Variants in SBSPON observed in about 807,000 individuals in gnomAD.
The protein encoded by SBSPON is somatomedin B and thrombospondin type 1 domain containing, also known as somatomedin-B and thrombospondin type-1 domain-containing protein.
A neutral mutation model predicts 35.8 loss-of-function variants in SBSPON; 30 were observed. That is an observed-to-expected ratio of 0.84 (90% CI 0.63 to 1.14). The LOEUF (loss-of-function observed/expected upper bound fraction) is 1.14. Ranked by LOEUF, SBSPON falls within the 50% of genes most tolerant of loss-of-function variation. The pLI is 0.00. For missense variants in SBSPON, 364 were observed against 357.7 expected (o/e 1.02, Z -0.14); for synonymous variants, 136 against 135.9 (o/e 1.00, Z 0.00).
Position 73,069,980 on chromosome 8 carries a change from A to G in SBSPON, c.502T>C (p.Tyr168His). 1.3e-6 allele frequency: 2 copies of G among 1,553,528 alleles called. No individual in the cohort carries two copies. The highest frequency in any genetic ancestry group is 1.7e-6 in the Non-Finnish European group (2 of 1,147,474). The change falls in exon 4 of 5, where the codon TAC (tyrosine) becomes CAC (histidine). Residue 168 changes from tyrosine to histidine, a missense_variant and splice_region_variant. By Grantham distance (83) the Tyr-to-His change is moderately conservative. Coordinates refer to ENST00000297354, the MANE Select transcript of SBSPON (RefSeq NM_153225.4). ...HWSTHTEDAGYCMEFKTESLT... is the reference protein window; with the variant it reads ...HWSTHTEDAGHCMEFKTESLT... ...GACTCTGTCTTAAACTCCATACAGT[A>G]TCTACAGCAAAAGAAGTAACAATGA...
intron 4 of SBSPON, 49 bp downstream of exon 4, chr8:73,069,756 T>A (rs773611657): frequency 6.7e-7 from 1 of 1,485,180 alleles, no homozygotes; most frequent in Non-Finnish European, 9.4e-7. Flanking sequence ...AGGACAGATT[T>A]CTCAGAATGA....
At chr8:73,070,917 T>TTAG (rs1237574303) in intron 3 of SBSPON, among the ~76,000 whole-genome samples, 1 of 152,230 alleles carries the variant, frequency 6.6e-6, no homozygotes, top group East Asian at 1.9e-4. Context: ...GTACAGCTAA[T>TTAG]TAGTAACTAA....
intron 1 of SBSPON, among the ~76,000 whole-genome samples, chr8:73,091,643 T>C (rs1421422169): frequency 6.6e-6 from 1 of 152,216 alleles, no homozygotes; most frequent in Non-Finnish European, 1.5e-5. Context: ...CTCTTCCATC[T>C]TACTTTAGTA....
chr8:73,079,077 C>CA (rs1019572859), intron 2 of SBSPON, among the ~76,000 whole-genome samples: 2 of 152,258 alleles, frequency 1.3e-5, no homozygotes, highest in African/African-American at 4.8e-5. Context: ...GCACAAAACT[C>CA]AAATTTTTTA....
chr8:73,081,235 C>A (rs750546130), intron 1 of SBSPON, 22 bp from the exon 2 acceptor site: 15 of 1,537,394 alleles, frequency 9.8e-6, no homozygotes, highest in Admixed American at 9.6e-5. Context: ...CACAATAGGA[C>A]GCTCACCTGA....
intron 1 of SBSPON, among the ~76,000 whole-genome samples, chr8:73,084,246 C>T (rs999331640): frequency 1.3e-5 from 2 of 152,186 alleles, no homozygotes; most frequent in African/African-American, 4.8e-5. Flanking sequence ...AGATTCCTAC[C>T]ACAGCCAAAG....
chr8:73,081,086 G>T lies in SBSPON; in HGVS notation c.342C>A (p.Pro114=), dbSNP rs267601989. ...EPQNGGAPCP[P]LEERAGCLEY... ...CCAGGCAGCCAGCTCTCTCTTCCAG[G>T]GGTGGGCAGGGCGCCCCGCCGTTCT... Residue 114 remains proline (P), a synonymous_variant, in exon 2 of 5, where the codon CCC becomes CCA. Transcript: ENST00000297354. 1 of 1,612,976 alleles carries T rather than the reference G, an allele frequency of 6.2e-7. No homozygotes were observed. Among genetic ancestry groups the T allele is most frequent in the Non-Finnish European group, 8.5e-7 (1 of 1,179,482 alleles).
intron 2 of SBSPON, among the ~76,000 whole-genome samples, chr8:73,072,305 T>A (rs1402988044): frequency 6.6e-6 from 1 of 150,412 alleles, no homozygotes; most frequent in Non-Finnish European, 1.5e-5. Context: ...CAAAGAAGGA[T>A]AGAGAGAAGA....
intron 1 of SBSPON, among the ~76,000 whole-genome samples, chr8:73,092,373 AC>A (rs1810952075): frequency 6.6e-6 from 1 of 152,220 alleles, no homozygotes; most frequent in African/African-American, 2.4e-5. Context: ...TTCCCAGAGC[AC>A]GCCCTTGGCA....
At chr8:73,089,776 C>T (rs1441504144) in intron 1 of SBSPON, among the ~76,000 whole-genome samples, 1 of 152,202 alleles carries the variant, frequency 6.6e-6, no homozygotes, top group East Asian at 1.9e-4. Context: ...ACATTTGCTA[C>T]CTAAATGTCT....
In SBSPON at chr8:73,069,946, G is replaced by A; in HGVS notation, c.536C>T (p.Pro179Leu). 1 of 1,608,130 alleles carries A rather than the reference G, an allele frequency of 6.2e-7. No homozygotes were observed. Among genetic ancestry groups the A allele is most frequent in the Non-Finnish European group, 8.5e-7 (1 of 1,176,560 alleles). Residue 179 changes from proline to leucine, a missense_variant, in exon 4 of 5, where the codon CCT becomes CTT. Pro to Leu is a moderately conservative substitution (Grantham distance 98). Coordinates refer to ENST00000297354, the MANE Select transcript of SBSPON (RefSeq NM_153225.4). ...GGGCCAGTTTTCCAGAGCACAGTGA[G>A]GAGTCAAGGACTCTGTCTTAAACTC... ...CMEFKTESLTPHCALENWPLT... is the reference protein window; with the variant it reads ...CMEFKTESLTLHCALENWPLT...
rs913781688 is a variant in SBSPON, at chr8:73,065,109, C to G, written c.*2232G>C. On this transcript the variant is annotated 3_prime_UTR_variant, in exon 5 of 5. Transcript: ENST00000297354. ...AAAATTAATAACAAGCTTTTCAAAA[C>G]TGTTATTTAACAGTTAACTCCTCTA... 29 of 152,260 alleles carry G rather than the reference C, an allele frequency of 1.9e-4. No homozygotes were observed. Among genetic ancestry groups the G allele is most frequent in the Non-Finnish European group, 4.0e-4 (27 of 68,022 alleles). 9.4% of individuals were successfully genotyped at this position (152,260 alleles called of 1,614,324 possible). A position where few individuals can be genotyped will look rare whatever the true frequency, so the allele number is the denominator to read the frequency against.
intron 2 of SBSPON, among the ~76,000 whole-genome samples, chr8:73,076,306 ATATGT>A (rs1294036978): frequency 6.6e-6 from 1 of 152,168 alleles, no homozygotes; most frequent in Non-Finnish European, 1.5e-5. Flanking sequence ...GAATCTGTGA[ATATGT>A]TATATTACAT....
intron 1 of SBSPON, among the ~76,000 whole-genome samples, chr8:73,089,403 A>G (rs563899824): frequency 1.3e-5 from 2 of 152,198 alleles, no homozygotes; most frequent in South Asian, 4.2e-4. Flanking sequence ...AAATTACAAA[A>G]AAATTAGCCG....
intron 2 of SBSPON, among the ~76,000 whole-genome samples, chr8:73,076,640 C>CCAT (rs950971367): frequency 6.6e-6 from 1 of 151,288 alleles, no homozygotes; most frequent in Non-Finnish European, 1.5e-5. Flanking sequence ...GGGCAAGACT[C>CCAT]CATCTTATAT....
chr8:73,065,623 A>G lies in SBSPON; in HGVS notation c.*1718T>C, dbSNP rs79592712. ...ACCCTGTCTCTACTAAAAAAAAAAA[A>G]CAAAAAATTAGCCAGGCGTGATGAC... On this transcript the variant is annotated 3_prime_UTR_variant, in exon 5 of 5. Coordinates refer to ENST00000297354, the MANE Select transcript of SBSPON (RefSeq NM_153225.4). 2.0e-5 allele frequency: 3 copies of G among 151,640 alleles called. No individual in the cohort carries two copies. The highest frequency in any genetic ancestry group is 7.3e-5 in the African/African-American group (3 of 41,222). 9.4% of individuals were successfully genotyped at this position (151,640 alleles called of 1,614,324 possible). A position where few individuals can be genotyped will look rare whatever the true frequency, so the allele number is the denominator to read the frequency against.
At chr8:73,083,135 C>T (rs1563490316) in intron 1 of SBSPON, among the ~76,000 whole-genome samples, 2 of 152,224 alleles carry the variant, frequency 1.3e-5, no homozygotes, top group African/African-American at 2.4e-5. Context: ...TTCTTGTATT[C>T]GGTTTGGTCT....
rs1810689902 is a variant in SBSPON, at chr8:73,081,075, C to T, written c.353G>A (p.Arg118Lys). The change falls in exon 2 of 5, where the codon AGA becomes AAA. Residue 118 changes from arginine (R) to lysine (K), a missense_variant. Transcript: ENST00000297354. ...GGTGGAGTACTCCAGGCAGCCAGCT[C>T]TCTCTTCCAGGGGTGGGCAGGGCGC... is the stretch of plus-strand genomic sequence containing the variant. ...GGAPCPPLEE[R>K]AGCLEYSTPQ... 1 of 1,612,760 alleles carries T rather than the reference C, an allele frequency of 6.2e-7. No individual in the cohort carries two copies. Among genetic ancestry groups the T allele is most frequent in the East Asian group, 2.2e-5 (1 of 44,840 alleles).
chr8:73,070,877 A>G (rs1810482078), intron 3 of SBSPON, among the ~76,000 whole-genome samples: 1 of 152,210 alleles, frequency 6.6e-6, no homozygotes, highest in Non-Finnish European at 1.5e-5. Flanking sequence ...TGTTTGGAGA[A>G]TCTGCTTTAA....
Sources: allele counts gnomAD v4.1 joint callset (sites outside exome capture counted in the v4.1 genomes callset), GRCh38; gene constraint gnomAD v4.1.1; transcripts MANE v1.5; gene names NCBI Gene and HGNC (gene_info 2026-07-23, HGNC 2026-07-21).